Variants in NCOA7 observed in about 807,000 individuals in gnomAD.
The protein encoded by NCOA7 is nuclear receptor coactivator 7.
A neutral mutation model predicts 104.3 loss-of-function variants in NCOA7; 45 were observed. That is an observed-to-expected ratio of 0.43 (90% CI 0.34 to 0.55). The LOEUF (loss-of-function observed/expected upper bound fraction) is 0.55. Ranked by LOEUF, NCOA7 falls within the 20% of genes least tolerant of loss-of-function variation. The pLI, the probability that NCOA7 is intolerant of heterozygous loss-of-function variation, is 0.02. For missense variants in NCOA7, 1,041 were observed against 1,119.7 expected, an observed-to-expected ratio of 0.93 and a Z score of 1.00; for synonymous variants, 398 against 402.3, an observed-to-expected ratio of 0.99 and a Z score of 0.13.
chr6:125,831,130 A>G (rs1779152634), intron 2 of NCOA7, among the ~76,000 whole-genome samples: 1 of 152,188 alleles, frequency 6.6e-6, no homozygotes, highest in East Asian at 1.9e-4. Context: ...TAAGTATTTC[A>G]GTTTGCTATA....
intron 2 of NCOA7, among the ~76,000 whole-genome samples, chr6:125,817,918 T>C (rs949344939): frequency 6.6e-6 from 1 of 152,174 alleles, no homozygotes; most frequent in African/African-American, 2.4e-5. Flanking sequence ...TTTGAATTTA[T>C]TTGTGGATAA....
At chr6:125,787,125 G>GA (rs78334930), upstream of NCOA7, among the ~76,000 whole-genome samples, 4,019 of 118,608 alleles carry the variant, frequency 0.034, 108 homozygotes, top group African/African-American at 0.079. Flanking sequence ...CTGTCTGGAA[G>GA]AAAAAAAAAA....
intron 11 of NCOA7, 43 bp from the exon 12 acceptor site, chr6:125,920,900 A>G: frequency 1.9e-6 from 3 of 1,600,618 alleles, no homozygotes; most frequent in Non-Finnish European, 1.7e-6. Context: ...AGTTAGAAGA[A>G]AAGCCAATAA....
At chr6:125,848,499 A>G (rs1210580844) in intron 2 of NCOA7, among the ~76,000 whole-genome samples, 1 of 152,244 alleles carries the variant, frequency 6.6e-6, no homozygotes, top group Non-Finnish European at 1.5e-5. Flanking sequence ...TATCCTTTAC[A>G]GGGACATGAA....
intron 3 of NCOA7, among the ~76,000 whole-genome samples, chr6:125,871,551 A>G (rs999592520): frequency 3.3e-5 from 5 of 152,226 alleles, no homozygotes; most frequent in African/African-American, 9.6e-5. Context: ...TTGCTTCTCT[A>G]TTGAGCCAAC....
chr6:125,925,842 G>A (rs1787975738), intron 13 of NCOA7, among the ~76,000 whole-genome samples: 2 of 152,116 alleles, frequency 1.3e-5, no homozygotes, highest in South Asian at 2.1e-4. Context: ...ATATGGTATA[G>A]GCTGAACAAC....
chr6:125,928,441 G>A (rs1176622472), intron 15 of NCOA7, among the ~76,000 whole-genome samples, 194 bp downstream of exon 15: 2 of 152,154 alleles, frequency 1.3e-5, no homozygotes, highest in Non-Finnish European at 1.5e-5. Flanking sequence ...TGTGTCTAAT[G>A]AGAGACTGTT....
chr6:125,848,364 G>A (rs940974582), intron 2 of NCOA7, among the ~76,000 whole-genome samples: 9 of 152,068 alleles, frequency 5.9e-5, no homozygotes, highest in East Asian at 1.9e-4. Context: ...TGTTTATTGC[G>A]GCACTATTCA....
At chr6:125,823,584 A>G (rs1778393345) in intron 2 of NCOA7, among the ~76,000 whole-genome samples, 1 of 152,220 alleles carries the variant, frequency 6.6e-6, no homozygotes, top group African/African-American at 2.4e-5. Flanking sequence ...GACATTCATT[A>G]CTGGGAAAAA....
At chr6:125,789,474 T>C (rs1193422107), upstream of NCOA7, among the ~76,000 whole-genome samples, 1 of 152,228 alleles carries the variant, frequency 6.6e-6, no homozygotes, top group African/African-American at 2.4e-5. Context: ...GCAGCTCAGC[T>C]TCCCTGGAGA....
At chr6:125,920,064 G>A (rs1787437892) in intron 11 of NCOA7, among the ~76,000 whole-genome samples, 1 of 152,016 alleles carries the variant, frequency 6.6e-6, no homozygotes, top group African/African-American at 2.4e-5. Flanking sequence ...ATTTAAGAAG[G>A]GCCAAAAATG....
chr6:125,787,353 G>A (rs1705951270), upstream of NCOA7, among the ~76,000 whole-genome samples: 2 of 152,172 alleles, frequency 1.3e-5, no homozygotes, highest in South Asian at 4.1e-4. Context: ...GAACACATTT[G>A]CAGGATTGCC....
intron 2 of NCOA7, among the ~76,000 whole-genome samples, chr6:125,848,328 C>G (rs191063633): frequency 6.6e-6 from 1 of 152,272 alleles, no homozygotes; most frequent in African/African-American, 2.4e-5. Flanking sequence ...ATAAATCATG[C>G]TGCTATGAAG....
chr6:125,839,394 A>AGGCT (rs1779915072), intron 2 of NCOA7, among the ~76,000 whole-genome samples: 10 of 152,268 alleles, frequency 6.6e-5, no homozygotes, highest in African/African-American at 2.4e-4. Context: ...CTGGGATTAC[A>AGGCT]AGAGTCAGCC....
At chr6:125,817,928 A>C (rs1777742756) in intron 2 of NCOA7, among the ~76,000 whole-genome samples, 1 of 152,082 alleles carries the variant, frequency 6.6e-6, no homozygotes, top group Non-Finnish European at 1.5e-5. Context: ...TTTGTGGATA[A>C]GATATGAGTT....
intron 3 of NCOA7, among the ~76,000 whole-genome samples, chr6:125,872,466 C>T (rs762085639): frequency 2.0e-5 from 3 of 152,086 alleles, no homozygotes; most frequent in Non-Finnish European, 4.4e-5. Flanking sequence ...TCTGAAAGCA[C>T]GAAGACCTAA....
chr6:125,793,593 G>A (rs930005936), intron 1 of NCOA7, among the ~76,000 whole-genome samples: 4 of 152,108 alleles, frequency 2.6e-5, no homozygotes, highest in African/African-American at 7.2e-5. Flanking sequence ...CCACCAGAAT[G>A]CAATCCAAGA....
upstream of NCOA7, among the ~76,000 whole-genome samples, chr6:125,788,315 G>A (rs1003025831): frequency 6.6e-6 from 1 of 152,136 alleles, no homozygotes; most frequent in Non-Finnish European, 1.5e-5. Flanking sequence ...CATTTCTTCC[G>A]ATTTATCTAT....
chr6:125,865,624 G>A (rs1326905429), intron 3 of NCOA7, among the ~76,000 whole-genome samples: 2 of 136,028 alleles, frequency 1.5e-5, no homozygotes, highest in Admixed American at 7.0e-5. Context: ...TGTGTGCATC[G>A]CCAATAGAGA....
Sources: gnomAD v4.1 joint callset for allele counts (sites outside exome capture counted in the v4.1 genomes callset) on GRCh38, gnomAD v4.1.1 for gene constraint, MANE v1.5 for transcripts, NCBI Gene and HGNC (gene_info 2026-07-23, HGNC 2026-07-21) for gene names.